Variants in RGS5 observed in about 807,000 individuals in gnomAD.
RGS5 encodes the protein regulator of G-protein signalling 5.
In RGS5, 20 loss-of-function variants were observed where a neutral mutation model predicts 18.9. The observed-to-expected ratio is 1.06, with a 90% CI of 0.74 to 1.54. The LOEUF (loss-of-function observed/expected upper bound fraction) is 1.54, where lower values mean the gene tolerates loss of function less well. Among genes scored for constraint, RGS5 ranks in the 40% most tolerant of loss-of-function variants. RGS5 has a pLI of 0.00. For synonymous variants in RGS5, 57 were observed against 76.2 expected, an observed-to-expected ratio of 0.75 and a Z score of 1.31; for missense variants, 201 against 211.8, an observed-to-expected ratio of 0.95 and a Z score of 0.32.
intron 2 of RGS5, among the ~76,000 whole-genome samples, chr1:163,242,832 G>A (rs558694810): frequency 1.3e-5 from 2 of 152,300 alleles, no homozygotes; most frequent in South Asian, 4.1e-4. Flanking sequence ...TTTTCTGAGG[G>A]CAGTAGTGAC....
chr1:163,254,318 T>C (rs1384994655), intron 2 of RGS5, among the ~76,000 whole-genome samples: 1 of 151,900 alleles, frequency 6.6e-6, no homozygotes, highest in Non-Finnish European at 1.5e-5. Flanking sequence ...ACCTGTTCTT[T>C]CCTGACTTTT....
At chr1:163,175,792 G>T (rs1658525885) in intron 1 of RGS5, among the ~76,000 whole-genome samples, 1 of 152,128 alleles carries the variant, frequency 6.6e-6, no homozygotes, top group Non-Finnish European at 1.5e-5. Flanking sequence ...ATTAATATAT[G>T]ATACATGATG....
At chr1:163,248,864 G>C (rs1648023274) in intron 2 of RGS5, among the ~76,000 whole-genome samples, 1 of 152,114 alleles carries the variant, frequency 6.6e-6, no homozygotes, top group South Asian at 2.1e-4. Flanking sequence ...GGCACCAATG[G>C]GTGGGAACAT....
chr1:163,231,138 A>G (rs1647470506), intron 2 of RGS5, among the ~76,000 whole-genome samples: 1 of 152,246 alleles, frequency 6.6e-6, no homozygotes, highest in Non-Finnish European at 1.5e-5. Context: ...CTAAAAGTAC[A>G]AAGATAACAT....
At chr1:163,266,501 T>C (rs1056906338) in intron 2 of RGS5, 31 of 152,144 alleles carry the variant, frequency 2.0e-4, no homozygotes, top group African/African-American at 6.3e-4. Context: ...CTTTAGGTCA[T>C]AAAGGGCTTT....
intron 2 of RGS5, among the ~76,000 whole-genome samples, chr1:163,258,535 C>G (rs936772380): frequency 6.6e-6 from 1 of 152,194 alleles, no homozygotes; most frequent in African/African-American, 2.4e-5. Flanking sequence ...TCCACTGAAG[C>G]TTCCTGTGGT....
intron 2 of RGS5, among the ~76,000 whole-genome samples, chr1:163,290,361 A>T (rs923606143): frequency 2.0e-5 from 3 of 152,204 alleles, no homozygotes; most frequent in Non-Finnish European, 4.4e-5. Context: ...GTATTACCCC[A>T]CACAAATGAC....
chr1:163,168,397 G>A (rs1429446301), intron 1 of RGS5, 29 bp from the exon 2 acceptor site: 1 of 1,490,590 alleles, frequency 6.7e-7, no homozygotes, highest in South Asian at 1.1e-5. Flanking sequence ...GGGGAAATGA[G>A]GACACCACAT....
At chr1:163,320,557 T>C (rs1163339832) in intron 1 of RGS5, among the ~76,000 whole-genome samples, 1 of 152,220 alleles carries the variant, frequency 6.6e-6, no homozygotes, top group Non-Finnish European at 1.5e-5. Flanking sequence ...TCTAAGGACA[T>C]ATAATTTGGT....
intron 1 of RGS5, among the ~76,000 whole-genome samples, chr1:163,313,626 G>T (rs1260743883): frequency 6.6e-6 from 1 of 152,142 alleles, no homozygotes; most frequent in African/African-American, 2.4e-5. Context: ...GAACAACAAA[G>T]CATAGCAAAG....
intron 1 of RGS5, among the ~76,000 whole-genome samples, chr1:163,190,857 C>A (rs1296774764): frequency 6.6e-6 from 1 of 152,130 alleles, no homozygotes; most frequent in South Asian, 2.1e-4. Flanking sequence ...GGAAGCCTAG[C>A]CCATTAAAGG....
At chr1:163,218,545 T>G (rs1404683435), upstream of RGS5, among the ~76,000 whole-genome samples, 2 of 113,504 alleles carry the variant, frequency 1.8e-5, no homozygotes, top group African/African-American at 6.4e-5. Flanking sequence ...TTTCAATTTA[T>G]TTTTTTCTGT....
At chr1:163,226,447 A>G (rs1177880177) in intron 2 of RGS5, among the ~76,000 whole-genome samples, 2 of 152,170 alleles carry the variant, frequency 1.3e-5, no homozygotes, top group Non-Finnish European at 2.9e-5. Flanking sequence ...ATGGACCTGT[A>G]GCCCATACCT....
chr1:163,315,299 G>A (rs1649990455), intron 1 of RGS5, among the ~76,000 whole-genome samples: 1 of 152,128 alleles, frequency 6.6e-6, no homozygotes, highest in Non-Finnish European at 1.5e-5. Flanking sequence ...GCTCATTCCT[G>A]TAATTCCAGC....
intron 3 of RGS5, among the ~76,000 whole-genome samples, chr1:163,159,228 G>A (rs1321919668): frequency 6.6e-6 from 1 of 152,122 alleles, no homozygotes; most frequent in Admixed American, 6.6e-5. Flanking sequence ...GGGTCCCGAG[G>A]TGACATACAT....
At chr1:163,187,863 G>T (rs529743799) in intron 1 of RGS5, among the ~76,000 whole-genome samples, 1 of 152,168 alleles carries the variant, frequency 6.6e-6, no homozygotes, top group Admixed American at 6.5e-5. Flanking sequence ...CAGAAGTTCC[G>T]GAGGTGCAAA....
At chr1:163,248,311 C>T (rs1433675959) in intron 2 of RGS5, 1 of 152,004 alleles carries the variant, frequency 6.6e-6, no homozygotes, top group Non-Finnish European at 1.5e-5. Context: ...TTTATCTTTG[C>T]TCTTTTACTT....
intron 2 of RGS5, among the ~76,000 whole-genome samples, chr1:163,288,799 A>AACTC (rs1489225543): frequency 5.3e-5 from 8 of 152,196 alleles, no homozygotes; most frequent in Admixed American, 4.6e-4. Flanking sequence ...AGGTATCTCA[A>AACTC]ACTCACTGTG....
At chr1:163,223,538 A>G (rs899822573) in intron 2 of RGS5, among the ~76,000 whole-genome samples, 2 of 152,170 alleles carry the variant, frequency 1.3e-5, no homozygotes, top group African/African-American at 4.8e-5. Flanking sequence ...CAGCATTCCT[A>G]TATCTCCAAA....
Sources: gnomAD v4.1 joint callset for allele counts (sites outside exome capture counted in the v4.1 genomes callset) on GRCh38, gnomAD v4.1.1 for gene constraint, MANE v1.5 for transcripts, NCBI Gene and HGNC (gene_info 2026-07-23, HGNC 2026-07-21) for gene names.